The following RBM47 variants were observed in gnomAD, a reference collection of about 807,000 sequenced individuals.
The protein encoded by RBM47 is RNA-binding protein 47.
In RBM47, 21 loss-of-function variants were observed where a neutral mutation model predicts 47.1. The observed-to-expected ratio is 0.45, with a 90% CI of 0.32 to 0.64. The LOEUF is 0.64. Among genes scored for constraint, RBM47 ranks in the 30% least tolerant of loss-of-function variants. The probability of loss-of-function intolerance (pLI) is 0.05; values close to 1 mark genes in which losing one functional copy is unlikely to be tolerated. For missense variants in RBM47, 708 were observed against 870.9 expected (o/e 0.81, Z 2.35); for synonymous variants, 375 against 361.7 (o/e 1.04, Z -0.42).
chr4:40,583,751 G>A (rs886399432), intron 1 of RBM47, among the ~76,000 whole-genome samples: 4 of 151,464 alleles, frequency 2.6e-5, no homozygotes, highest in African/African-American at 9.7e-5. Context: ...CCAGCTACTC[G>A]AGAGGCTGAG....
intron 1 of RBM47, among the ~76,000 whole-genome samples, chr4:40,612,791 T>C (rs911954650): frequency 2.0e-5 from 3 of 152,196 alleles, no homozygotes; most frequent in African/African-American, 7.2e-5. Context: ...TTATTTCCAC[T>C]ACAAAGAAGT....
rs145107424 is a variant in RBM47 at position 40,430,197 on chromosome 4, A to AAAACAAACAAAC, written c.1542+2442_1542+2453dup. Among the ~76,000 whole-genome samples the AAAACAAACAAAC allele has an allele frequency of 5.5e-4, 83 of 150,234 alleles. 1 individual carries two copies. Among genetic ancestry groups the AAAACAAACAAAC allele is most frequent in the African/African-American group, 1.9e-3 (79 of 40,776 alleles). On this transcript the variant is annotated intron_variant, in intron 6 of 6. Transcript: ENST00000295971. ...GCGACAGAGCGAGACACCGTCGCAA[A>AAAACAAACAAAC]AAACAAACAAACAAACAAACAAACA...
rs544914680 is a variant in RBM47, at chr4:40,518,066, A to G, written c.-155+26356T>C. On this transcript the variant is annotated intron_variant, in intron 2 of 6. Coordinates refer to ENST00000295971, the MANE Select transcript of RBM47 (RefSeq NM_001098634.2). ...ATTTATTTATTTATTTTGTATTTCAATGAGGATGAGAAAATGGGATTATGA... is the reference window on the plus strand; with the variant it reads ...ATTTATTTATTTATTTTGTATTTCAGTGAGGATGAGAAAATGGGATTATGA... Among the ~76,000 whole-genome samples the G allele has an allele frequency of 2.6e-5, 4 of 151,672 alleles. No homozygotes were observed. The South Asian group carries it at 6.3e-4, about 24-fold the overall frequency.
At chr4:40,427,127 C>T (rs1296077923) in intron 6 of RBM47, 3 of 152,206 alleles carry the variant, frequency 2.0e-5, no homozygotes, top group South Asian at 4.2e-4. Context: ...TAAGCTGTGA[C>T]CTTAAAAAAT....
At chr4:40,506,086 C>A (rs191710929) in intron 2 of RBM47, among the ~76,000 whole-genome samples, 50 of 152,220 alleles carry the variant, frequency 3.3e-4, no homozygotes, top group Admixed American at 2.9e-3. Context: ...AGACAAATTG[C>A]TCTAATACTC....
At chr4:40,541,982 G>A (rs1381219486) in intron 2 of RBM47, among the ~76,000 whole-genome samples, 3 of 152,154 alleles carry the variant, frequency 2.0e-5, no homozygotes, top group African/African-American at 4.8e-5. Context: ...ACAAAGAAAT[G>A]TGGACACATT....
chr4:40,481,296 G>A (rs541508578), intron 2 of RBM47, among the ~76,000 whole-genome samples: 25 of 142,186 alleles, frequency 1.8e-4, no homozygotes, highest in East Asian at 8.2e-4. Context: ...TTTTTGAGAT[G>A]GAGTCTCACT....
rs147165337 is a variant in RBM47 at position 40,463,463 on chromosome 4, TG to T, written c.-32+3113del. On this transcript the variant is annotated intron_variant, in intron 3 of 6. Transcript: ENST00000295971. ...GCAGCTTCTGTGGGAAAAAGTATGG[TG>T]GTGCTTCAAAAATATAATCATAATA... Among the ~76,000 whole-genome samples the T allele has an allele frequency of 4.4e-3, 677 of 152,272 alleles. 5 individuals carry two copies. The highest frequency in any genetic ancestry group is 0.016 in the African/African-American group (654 of 41,562).
intron 1 of RBM47, among the ~76,000 whole-genome samples, chr4:40,555,863 G>A (rs558169345): frequency 4.3e-4 from 66 of 152,212 alleles, no homozygotes; most frequent in African/African-American, 1.4e-3. Context: ...TTGGACCAGC[G>A]ATGACACCAG....
At chr4:40,611,506 G>T (rs1190124501) in intron 1 of RBM47, among the ~76,000 whole-genome samples, 1 of 151,788 alleles carries the variant, frequency 6.6e-6, no homozygotes, top group Admixed American at 6.6e-5. Context: ...AAGGCAGGCA[G>T]ATCACCTGAG....
At chr4:40,573,807 A>AAGAAAGAAAGAAAGAAAG (rs1553903539) in intron 1 of RBM47, among the ~76,000 whole-genome samples, 53 of 136,754 alleles carry the variant, frequency 3.9e-4, no homozygotes, top group African/African-American at 1.3e-3. Context: ...GAAAGAAAGA[A>AAGAAAGAAAGAAAGAAAG]AAAGAAAGAA....
chr4:40,435,337 T>A (rs1372502606), intron 5 of RBM47, among the ~76,000 whole-genome samples: 2 of 151,874 alleles, frequency 1.3e-5, no homozygotes, highest in African/African-American at 2.4e-5. Context: ...TCACTTGAGG[T>A]CAGGAGTTCG....
intron 1 of RBM47, among the ~76,000 whole-genome samples, chr4:40,583,699 A>G (rs1294639426): frequency 6.6e-6 from 1 of 151,738 alleles, no homozygotes; most frequent in Non-Finnish European, 1.5e-5. Flanking sequence ...TCTACTAAAA[A>G]TACAAAAAAT....
Position 40,436,625 on chromosome 4 carries a change from C to T in RBM47, c.1146G>A (p.Gly382=), listed in dbSNP as rs1712457376. ...FVKAGSIRGR[G]RGAAGNRAPG... Reference sequence around the variant, plus strand: ...GGGCTCTGTTGCCAGCTGCACCTCGCCCTCGGCCTCTTATGCTGCCTGCTT... The same window carrying T: ...GGGCTCTGTTGCCAGCTGCACCTCGTCCTCGGCCTCTTATGCTGCCTGCTT... The change falls in exon 5 of 7, where the codon GGG becomes GGA. Residue 382 remains glycine (G), a synonymous_variant. Coordinates refer to ENST00000295971, the MANE Select transcript of RBM47 (RefSeq NM_001098634.2). The T allele has an allele frequency of 1.2e-6, 2 of 1,614,082 alleles. No homozygotes were observed. The highest frequency in any genetic ancestry group is 8.5e-7 in the Non-Finnish European group (1 of 1,179,996).
chr4:40,488,924 G>A (rs1721489718), intron 2 of RBM47, among the ~76,000 whole-genome samples: 1 of 152,210 alleles, frequency 6.6e-6, no homozygotes, highest in Admixed American at 6.5e-5. Flanking sequence ...TGTGGAGACT[G>A]AGGCTTACAA....
intron 3 of RBM47, among the ~76,000 whole-genome samples, chr4:40,463,210 A>T (rs1352887237): frequency 2.0e-5 from 3 of 152,222 alleles, no homozygotes; most frequent in Non-Finnish European, 4.4e-5. Flanking sequence ...TGCATTACAC[A>T]TCTGCAAAGA....
At chr4:40,614,730 C>T (rs1736567796) in intron 1 of RBM47, among the ~76,000 whole-genome samples, 1 of 151,970 alleles carries the variant, frequency 6.6e-6, no homozygotes, top group Admixed American at 6.6e-5. Flanking sequence ...ACTGAGGAGG[C>T]TAAGATGGAA....
At chr4:40,446,738 C>CAAAA (rs34186378) in intron 3 of RBM47, among the ~76,000 whole-genome samples, 2 of 76,310 alleles carry the variant, frequency 2.6e-5, no homozygotes, top group Non-Finnish European at 4.6e-5. Flanking sequence ...GACCCAGTCT[C>CAAAA]AAAAAAAAAA....
At chr4:40,503,068 C>A (rs1478181950) in intron 2 of RBM47, among the ~76,000 whole-genome samples, 1 of 151,930 alleles carries the variant, frequency 6.6e-6, no homozygotes, top group African/African-American at 2.4e-5. Flanking sequence ...TGTTACATCA[C>A]AGACTCAGAA....
Sources: allele counts gnomAD v4.1 joint callset (sites outside exome capture counted in the v4.1 genomes callset), GRCh38; gene constraint gnomAD v4.1.1; transcripts MANE v1.5; gene names NCBI Gene and HGNC (gene_info 2026-07-23, HGNC 2026-07-21).